The following AMOTL1 variants were observed in gnomAD, a reference collection of about 807,000 sequenced individuals.
AMOTL1 encodes the protein angiomotin-like protein 1.
In AMOTL1, 45 loss-of-function variants were observed where a neutral mutation model predicts 102.9. The ratio of observed to expected loss-of-function variants is 0.44; its 90% confidence interval spans 0.34 to 0.56. The LOEUF is 0.56. AMOTL1 is among the 20% of genes least tolerant of loss of function. The probability of loss-of-function intolerance (pLI) is 0.01; values close to 1 mark genes in which losing one functional copy is unlikely to be tolerated. For missense variants in AMOTL1, 1,114 were observed against 1,225.6 expected (o/e 0.91, Z 1.36); for synonymous variants, 481 against 484.7 (o/e 0.99, Z 0.10).
At chr11:94,740,948 T>G in exon 3 of AMOTL1, 1 of 1,289,096 alleles carries the variant, frequency 7.8e-7, no homozygotes, top group Non-Finnish European at 1.0e-6. Flanking sequence ...ACAGTGAGTT[T>G]GTGGAAGCCT....
intron 1 of AMOTL1, among the ~76,000 whole-genome samples, chr11:94,720,547 A>G (rs1950159970): frequency 6.6e-6 from 1 of 152,150 alleles, no homozygotes; most frequent in Non-Finnish European, 1.5e-5. Context: ...TCCAAGCCAC[A>G]TACCTCCCTC....
chr11:94,733,637 T>A (rs1950390191), intron 2 of AMOTL1, among the ~76,000 whole-genome samples: 1 of 152,256 alleles, frequency 6.6e-6, no homozygotes, highest in Non-Finnish European at 1.5e-5. Context: ...GGGTTGGAAA[T>A]ATAAGATCAT....
At chr11:94,783,924 TTG>T (rs1170365723) in intron 1 of AMOTL1, among the ~76,000 whole-genome samples, 6 of 152,056 alleles carry the variant, frequency 3.9e-5, no homozygotes, top group African/African-American at 1.4e-4. Flanking sequence ...TGTATCTGTT[TTG>T]TTTTTTTTTT....
intron 11 of AMOTL1, among the ~76,000 whole-genome samples, chr11:94,868,588 C>T (rs1952928909): frequency 6.6e-6 from 1 of 152,142 alleles, no homozygotes; most frequent in Non-Finnish European, 1.5e-5. Flanking sequence ...CAGAAATGTG[C>T]AGGTAGCATG....
At chr11:94,834,720 C>G (rs1363838571) in intron 6 of AMOTL1, among the ~76,000 whole-genome samples, 3 of 152,130 alleles carry the variant, frequency 2.0e-5, no homozygotes, top group Non-Finnish European at 4.4e-5. Flanking sequence ...ACATGCTCAG[C>G]TTTTTTGCTA....
intron 9 of AMOTL1, among the ~76,000 whole-genome samples, chr11:94,863,279 T>TA (rs57178685): frequency 0.083 from 10,017 of 120,478 alleles, 783 homozygotes; most frequent in African/African-American, 0.22. Flanking sequence ...GGCTATTCTG[T>TA]AAAAAAAAAA....
At chr11:94,808,815 ATAGTT>A (rs1186796374) in intron 3 of AMOTL1, among the ~76,000 whole-genome samples, 3 of 152,334 alleles carry the variant, frequency 2.0e-5, no homozygotes, top group South Asian at 2.1e-4. Context: ...ATTTTAAAGC[ATAGTT>A]TAGTTAACTC....
chr11:94,855,948 G>A (rs1003853118), intron 8 of AMOTL1, among the ~76,000 whole-genome samples: 1 of 152,158 alleles, frequency 6.6e-6, no homozygotes, highest in African/African-American at 2.4e-5. Context: ...TTGTGTTCGG[G>A]AGCTGATGGC....
chr11:94,756,902 TC>T (rs1950732614), intron 3 of AMOTL1, among the ~76,000 whole-genome samples: 1 of 152,146 alleles, frequency 6.6e-6, no homozygotes, highest in Admixed American at 6.5e-5. Context: ...TGATTTCAAC[TC>T]CCCTGCCTGA....
chr11:94,852,219 AAATC>A (rs1279867707), intron 7 of AMOTL1, among the ~76,000 whole-genome samples: 1 of 152,248 alleles, frequency 6.6e-6, no homozygotes, highest in African/African-American at 2.4e-5. Flanking sequence ...GGCCAGATGA[AAATC>A]AATCCCAAGA....
chr11:94,768,266 G>A, upstream of AMOTL1: 11 of 1,214,424 alleles, frequency 9.1e-6, no homozygotes, highest in Non-Finnish European at 1.1e-5. Context: ...CGGGCGCCAC[G>A]GCGGGGGTGG....
intron 6 of AMOTL1, among the ~76,000 whole-genome samples, chr11:94,839,529 G>A (rs1316208505): frequency 1.3e-5 from 2 of 152,170 alleles, no homozygotes; most frequent in African/African-American, 2.4e-5. Context: ...GAACTGCCAT[G>A]GGGAAGCCAT....
intron 1 of AMOTL1, among the ~76,000 whole-genome samples, chr11:94,722,211 C>T (rs776639746): frequency 3.9e-4 from 59 of 152,056 alleles, no homozygotes; most frequent in Non-Finnish European, 7.6e-4. Flanking sequence ...TCAATGGATT[C>T]TTGTTTGCAA....
chr11:94,742,695 G>C (rs1389134641), intron 3 of AMOTL1, among the ~76,000 whole-genome samples: 1 of 152,162 alleles, frequency 6.6e-6, no homozygotes, highest in Non-Finnish European at 1.5e-5. Context: ...TAGTCCATTT[G>C]TGTTGTTATA....
Position 94,799,567 on chromosome 11 carries a change from C to T in AMOTL1, c.377C>T (p.Thr126Ile). Residue 126 changes from threonine to isoleucine, a missense_variant, in exon 3 of 13, where the codon ACA (threonine) becomes ATA (isoleucine). Coordinates refer to ENST00000433060, the MANE Select transcript of AMOTL1 (RefSeq NM_130847.3). This position sits in a 1 kb window ranked among gnomAD's most constrained non-coding sequence, Gnocchi z 4.5. ...MNLLAIQHQA[T>I]GSAGPAHPTN... Reference sequence around the variant, plus strand: ...TTGCTGGCCATTCAGCACCAGGCCACAGGGAGTGCAGGACCAGCCCATCCT... The same window carrying T: ...TTGCTGGCCATTCAGCACCAGGCCATAGGGAGTGCAGGACCAGCCCATCCT... 6.2e-7 allele frequency: 1 copy of T among 1,613,734 alleles called. No homozygotes were observed. The highest frequency in any genetic ancestry group is 2.2e-5 in the East Asian group (1 of 44,850).
At chr11:94,766,914 A>C (rs1183993396), upstream of AMOTL1, among the ~76,000 whole-genome samples, 1 of 152,136 alleles carries the variant, frequency 6.6e-6, no homozygotes, top group Non-Finnish European at 1.5e-5. Flanking sequence ...CGTTTCTGGT[A>C]AAAACGCTTT....
In AMOTL1 at chr11:94,803,219, T is replaced by G. The variant is rs555121076; in HGVS notation, c.1121+2908T>G. Among the ~76,000 whole-genome samples, 4 of 152,348 alleles carry G rather than the reference T, an allele frequency of 2.6e-5. No homozygotes were observed. In the South Asian group the frequency reaches 8.3e-4, roughly 32 times the overall value. ...AGAACTTATGAGAAGAATAAGAATT[T>G]GAGTTTTTTGTGATCACTCTTGACT... On this transcript the variant is annotated intron_variant, in intron 3 of 12. Transcript: ENST00000433060.
chr11:94,865,931 T>C lies in AMOTL1; in HGVS notation c.2262-11T>C. 6.2e-7 allele frequency: 1 copy of C among 1,609,276 alleles called. No homozygotes were observed. The highest frequency in any genetic ancestry group is 8.5e-7 in the Non-Finnish European group (1 of 1,177,430). On this transcript the variant is annotated splice_polypyrimidine_tract_variant and intron_variant, in intron 10 of 12. Coordinates refer to ENST00000433060, the MANE Select transcript of AMOTL1 (RefSeq NM_130847.3). ...GGCTTTTTATGGAGACTGTTTTGTT[T>C]TGTTTTACAGTATTAAAAATCTCCA...
At chr11:94,707,300 C>G (rs1358757459) in intron 1 of AMOTL1, among the ~76,000 whole-genome samples, 1 of 147,720 alleles carries the variant, frequency 6.8e-6, no homozygotes, top group East Asian at 2.1e-4. Context: ...AGACCCTGTG[C>G]TCCTAGAGAC....
Sources: gnomAD v4.1 joint callset for allele counts (sites outside exome capture counted in the v4.1 genomes callset) on GRCh38, gnomAD v4.1.1 for gene constraint, Gnocchi (gnomAD v3.1) non-coding constraint, MANE v1.5 for transcripts, NCBI Gene and HGNC (gene_info 2026-07-23, HGNC 2026-07-21) for gene names.